Variants in EPM2A observed in about 807,000 individuals in gnomAD.
The protein encoded by EPM2A is laforin.
EPM2A carries 21 observed loss-of-function variants against 26.5 expected under a neutral mutation model. The ratio of observed to expected loss-of-function variants is 0.79; its 90% CI spans 0.56 to 1.14. The LOEUF (loss-of-function observed/expected upper bound fraction) is 1.14, where lower values mean the gene tolerates loss of function less well. Ranked by LOEUF, EPM2A falls within the 50% of genes most tolerant of loss-of-function variation. The pLI is 0.00. For missense variants in EPM2A, 458 were observed against 440.8 expected (o/e 1.04, Z -0.35); for synonymous variants, 217 against 177.6 (o/e 1.22, Z -1.76).
intron 2 of EPM2A, among the ~76,000 whole-genome samples, chr6:145,597,188 C>T (rs1781357966): frequency 6.6e-6 from 1 of 151,732 alleles, no homozygotes; most frequent in Non-Finnish European, 1.5e-5. Flanking sequence ...GCCACCGCGC[C>T]CGGCCTCTCC....
chr6:145,621,197 G>C (rs1775625599), downstream of EPM2A, among the ~76,000 whole-genome samples: 1 of 152,122 alleles, frequency 6.6e-6, no homozygotes, highest in African/African-American at 2.4e-5. Context: ...TGAAGTATTT[G>C]TCTTTCTGTG....
At chr6:145,520,654 A>G (rs1163473374) in intron 2 of EPM2A, among the ~76,000 whole-genome samples, 10 of 152,240 alleles carry the variant, frequency 6.6e-5, no homozygotes, top group Admixed American at 6.5e-4. Flanking sequence ...GAAATAAGTC[A>G]TTAAAAATAA....
chr6:145,438,652 T>G (rs1225034071), intron 4 of EPM2A, among the ~76,000 whole-genome samples: 4 of 151,958 alleles, frequency 2.6e-5, no homozygotes, highest in Non-Finnish European at 5.9e-5. Flanking sequence ...TTTTGTATTT[T>G]TAGTAGAGAC....
At chr6:145,661,620 T>C (rs1778715505) in intron 2 of EPM2A, among the ~76,000 whole-genome samples, 1 of 152,224 alleles carries the variant, frequency 6.6e-6, no homozygotes, top group African/African-American at 2.4e-5. Context: ...TACGTGTTCT[T>C]TTTTCAGTAG....
At chr6:145,546,320 T>G (rs1380516622) in intron 2 of EPM2A, among the ~76,000 whole-genome samples, 1 of 152,102 alleles carries the variant, frequency 6.6e-6, no homozygotes, top group Non-Finnish European at 1.5e-5. Flanking sequence ...AACCCAGCTT[T>G]GGGGGAGAGA....
At chr6:145,411,079 T>C (rs745841170) in intron 4 of EPM2A, among the ~76,000 whole-genome samples, 12 of 152,158 alleles carry the variant, frequency 7.9e-5, no homozygotes, top group Non-Finnish European at 1.6e-4. Flanking sequence ...CTATATGAAC[T>C]AGGGGGAGTC....
At chr6:145,599,474 T>C (rs1265426369) in intron 2 of EPM2A, among the ~76,000 whole-genome samples, 1 of 152,004 alleles carries the variant, frequency 6.6e-6, no homozygotes, top group African/African-American at 2.4e-5. Flanking sequence ...AAGCCCATCA[T>C]TGAATTTTTA....
intron 4 of EPM2A, among the ~76,000 whole-genome samples, chr6:145,492,617 T>C (rs1460715964): frequency 6.6e-6 from 1 of 151,820 alleles, no homozygotes; most frequent in East Asian, 1.9e-4. Flanking sequence ...GAGGATTTTA[T>C]TGCTGATGAA....
chr6:145,719,504 GA>G (rs1775834978), intron 1 of EPM2A, among the ~76,000 whole-genome samples: 1 of 151,360 alleles, frequency 6.6e-6, no homozygotes. Flanking sequence ...GATAGCATTG[GA>G]AGATATACCT....
At chr6:145,502,642 G>A (rs1314073700) in intron 2 of EPM2A, 1 of 468,618 alleles carries the variant, frequency 2.1e-6, no homozygotes, top group African/African-American at 2.0e-5. Context: ...TGCTCAAGAT[G>A]TTGTTATTCA....
chr6:145,563,163 T>C (rs943572559), intron 2 of EPM2A, among the ~76,000 whole-genome samples: 11 of 151,418 alleles, frequency 7.3e-5, no homozygotes, highest in Non-Finnish European at 1.0e-4. Flanking sequence ...CCAGGTGTGG[T>C]TGGGGCTGTA....
In EPM2A at chr6:145,458,060, G is replaced by A. The variant is rs183293546; in HGVS notation, c.555+44462C>T. Among the ~76,000 whole-genome samples the A allele has an allele frequency of 8.1e-4, 124 of 152,314 alleles. 1 individual carries two copies. The East Asian group carries it at 0.02, about 24-fold the overall frequency. The stretch of plus-strand genomic sequence containing the variant: ...TAATATTAATACCCAAATACAGAGA[G>A]TTTCAGTGCTACACTCACCTATGTG... On this transcript the variant is annotated intron_variant, in intron 4 of 4. Coordinates refer to the EPM2A transcript ENST00000638717.
chr6:145,398,634 C>T (rs1276358866), intron 4 of EPM2A, among the ~76,000 whole-genome samples: 2 of 152,008 alleles, frequency 1.3e-5, no homozygotes, highest in South Asian at 2.1e-4. Flanking sequence ...CTGAGGCGGG[C>T]AGATCACTTG....
intron 2 of EPM2A, among the ~76,000 whole-genome samples, chr6:145,574,925 T>A (rs140319603): frequency 6.6e-6 from 1 of 152,198 alleles, no homozygotes; most frequent in Non-Finnish European, 1.5e-5. Flanking sequence ...TTTCTGCTTA[T>A]ATAAATTAGA....
chr6:145,686,441 CTA>C, intron 1 of EPM2A, 145 bp from the exon 2 acceptor site: 8 of 702,570 alleles, frequency 1.1e-5, no homozygotes, highest in Non-Finnish European at 1.9e-5. Flanking sequence ...ACAAAAAAGA[CTA>C]GAGTGAAAAA....
At chr6:145,686,469 T>C (rs1780921418) in intron 1 of EPM2A, among the ~76,000 whole-genome samples, 173 bp from the exon 2 acceptor site, 1 of 152,166 alleles carries the variant, frequency 6.6e-6, no homozygotes. Flanking sequence ...CGGTAGGAAT[T>C]TGTAAAGAGC....
intron 3 of EPM2A, among the ~76,000 whole-genome samples, chr6:145,632,840 GTTATT>G (rs1776365395): frequency 6.6e-6 from 1 of 152,204 alleles, no homozygotes; most frequent in Admixed American, 6.5e-5. Flanking sequence ...CTCAGAAGTG[GTTATT>G]AACCCTTAGA....
At chr6:145,495,414 C>T (rs1206569086) in intron 4 of EPM2A, among the ~76,000 whole-genome samples, 2 of 151,718 alleles carry the variant, frequency 1.3e-5, no homozygotes, top group Admixed American at 6.6e-5. Context: ...TTGAAGACAA[C>T]ATACTGATGG....
chr6:145,482,640 G>A (rs1195269969), intron 4 of EPM2A, among the ~76,000 whole-genome samples: 4 of 152,056 alleles, frequency 2.6e-5, no homozygotes, highest in Non-Finnish European at 4.4e-5. Flanking sequence ...ACATGCGCTT[G>A]GAGAGAAGCC....
Sources: allele counts gnomAD v4.1 joint callset (sites outside exome capture counted in the v4.1 genomes callset), GRCh38; gene constraint gnomAD v4.1.1; transcripts MANE v1.5; gene names NCBI Gene and HGNC (gene_info 2026-07-23, HGNC 2026-07-21).